ITSN1: variants seen among roughly 807,000 people sequenced by gnomAD.
ITSN1 encodes the protein intersectin-1.
In ITSN1, 58 loss-of-function variants were observed where a neutral mutation model predicts 239.8. That is an observed-to-expected ratio of 0.24 (90% CI 0.20 to 0.30). ITSN1 has a LOEUF of 0.30. ITSN1 is among the 10% of genes least tolerant of loss of function. The pLI, the probability that ITSN1 is intolerant of heterozygous loss-of-function variation, is 1.00. For synonymous variants in ITSN1, 780 were observed against 770.8 expected, an observed-to-expected ratio of 1.01 and a Z score of -0.20; for missense variants, 1,558 against 2,103.3, an observed-to-expected ratio of 0.74 and a Z score of 5.07.
rs774101861 is a variant in ITSN1, at chr21:33,886,279, C to T, written c.4844-8C>T. 1 of 1,611,918 alleles carries T rather than the reference C, an allele frequency of 6.2e-7. No individual in the cohort carries two copies. On this transcript the variant is annotated splice_region_variant and splice_polypyrimidine_tract_variant and intron_variant, in intron 38 of 39. Coordinates refer to ENST00000381318, the MANE Select transcript of ITSN1 (RefSeq NM_003024.3). ...GTTCCACCTGGCGAAGGCTTTTGTT[C>T]CCTCCAGGAAAGAGCAACCCGTACT...
intron 1 of ITSN1, among the ~76,000 whole-genome samples, chr21:33,659,083 A>G (rs2089332834): frequency 6.6e-6 from 1 of 152,170 alleles, no homozygotes; most frequent in Non-Finnish European, 1.5e-5. Context: ...CAGGGAAGAG[A>G]GAGGGACTGG....
At chr21:33,842,495 GGTGT>G (rs34019939) in intron 29 of ITSN1, among the ~76,000 whole-genome samples, 38,404 of 147,988 alleles carry the variant, frequency 0.26, 5,300 homozygotes, top group East Asian at 0.62. Flanking sequence ...TGATGTCAAC[GGTGT>G]GTGTGTGTGT....
chr21:33,763,081 T>C (rs1358467937), intron 9 of ITSN1, among the ~76,000 whole-genome samples: 1 of 152,092 alleles, frequency 6.6e-6, no homozygotes, highest in Admixed American at 6.6e-5. Context: ...AGAATGTTTT[T>C]ATAGTTCATT....
chr21:33,843,632 T>C (rs765961401), intron 29 of ITSN1, among the ~76,000 whole-genome samples: 6 of 152,222 alleles, frequency 3.9e-5, no homozygotes, highest in African/African-American at 9.7e-5. Context: ...TTTTGGAACA[T>C]TCTATTTCCC....
chr21:33,660,243 TC>T, intron 1 of ITSN1, among the ~76,000 whole-genome samples: 1 of 152,296 alleles, frequency 6.6e-6, no homozygotes, highest in East Asian at 1.9e-4. Flanking sequence ...TATGTGCTGC[TC>T]CCACAATAAG....
intron 8 of ITSN1, among the ~76,000 whole-genome samples, chr21:33,757,729 G>C (rs2068023606): frequency 1.3e-5 from 2 of 152,166 alleles, no homozygotes; most frequent in African/African-American, 2.4e-5. Context: ...AGCTGCAGGA[G>C]AAGCAAAATA....
intron 1 of ITSN1, among the ~76,000 whole-genome samples, chr21:33,695,353 T>C (rs936484042): frequency 4.6e-5 from 7 of 152,232 alleles, no homozygotes; most frequent in Non-Finnish European, 7.3e-5. Flanking sequence ...ACAAAAACTT[T>C]ATAAGATCCA....
At position 33,648,788 on chromosome 21, in the gene ITSN1, G is replaced by A. The variant is rs78191616; in HGVS notation, c.-33+6075G>A. 2.3e-3 allele frequency among the ~76,000 whole-genome samples: 349 copies of A among 152,074 alleles called. 3 individuals are homozygous for A. Among genetic ancestry groups the A allele is most frequent in the Non-Finnish European group, 4.5e-3 (308 of 67,952 alleles). On this transcript the variant is annotated intron_variant, in intron 1 of 39. Transcript: ENST00000381318. ...TACCCAGAAGTTGGAGGCTGCAGAT[G>A]CCACAGCACTCCAGACTGGGCAACA...
chr21:33,747,943 A>G (rs2067283261), intron 5 of ITSN1, among the ~76,000 whole-genome samples: 1 of 152,204 alleles, frequency 6.6e-6, no homozygotes, highest in South Asian at 2.1e-4. Context: ...AGACCACATA[A>G]ATCTATTTTT....
intron 1 of ITSN1, among the ~76,000 whole-genome samples, chr21:33,716,996 G>A (rs1312875063): frequency 3.3e-5 from 5 of 151,210 alleles, no homozygotes; most frequent in African/African-American, 1.2e-4. Context: ...AAGGAACCCA[G>A]AGGAATCCAA....
intron 4 of ITSN1, among the ~76,000 whole-genome samples, chr21:33,726,571 A>G (rs1024579575): frequency 6.6e-6 from 1 of 152,106 alleles, no homozygotes; most frequent in Admixed American, 6.5e-5. Context: ...TGGCATGATC[A>G]TAGCTCACTG....
At position 33,889,930 on chromosome 21, in the gene ITSN1, T is replaced by C. The variant is rs1285452022; in HGVS notation, c.*1630T>C. The stretch of plus-strand genomic sequence containing the variant: ...ACATTTCATACTTTTAAGAAATACT[T>C]TATTATTTATTTATTGAAGATAGTG... On this transcript the variant is annotated 3_prime_UTR_variant, in exon 40 of 40. Coordinates refer to ENST00000381318, the MANE Select transcript of ITSN1 (RefSeq NM_003024.3). 6.6e-6 allele frequency: 1 copy of C among 152,210 alleles called. No homozygotes were observed. Among genetic ancestry groups the C allele is most frequent in the Non-Finnish European group, 1.5e-5 (1 of 68,046 alleles). The allele number at this position is 152,210 out of a possible 1,614,324, so 9.4% of individuals were successfully genotyped here.
At chr21:33,869,484 G>A (rs1982339158) in intron 33 of ITSN1, among the ~76,000 whole-genome samples, 1 of 152,258 alleles carries the variant, frequency 6.6e-6, no homozygotes, top group Non-Finnish European at 1.5e-5. Context: ...TACAATTCAA[G>A]ATGAGATTTG....
intron 29 of ITSN1, among the ~76,000 whole-genome samples, chr21:33,841,054 G>C (rs1212443146): frequency 6.6e-6 from 1 of 152,160 alleles, no homozygotes; most frequent in African/African-American, 2.4e-5. Flanking sequence ...GCCTCAGACT[G>C]CCTCTGCATA....
intron 1 of ITSN1, among the ~76,000 whole-genome samples, chr21:33,711,470 A>G (rs1257292547): frequency 6.6e-6 from 1 of 152,066 alleles, no homozygotes; most frequent in Non-Finnish European, 1.5e-5. Context: ...TTAGATTACT[A>G]ACATTTAATG....
intron 8 of ITSN1, among the ~76,000 whole-genome samples, chr21:33,760,300 G>T (rs1278477643): frequency 6.6e-6 from 1 of 152,116 alleles, no homozygotes; most frequent in African/African-American, 2.4e-5. Flanking sequence ...GGTGGTAGCT[G>T]AGTCTAAAAG....
At chr21:33,863,391 C>T (rs1980997437) in intron 31 of ITSN1, among the ~76,000 whole-genome samples, 1 of 152,234 alleles carries the variant, frequency 6.6e-6, no homozygotes, top group Non-Finnish European at 1.5e-5. Flanking sequence ...CACGGTGGCT[C>T]ATGCCTATAA....
At chr21:33,671,608 G>C (rs2090285755) in intron 1 of ITSN1, among the ~76,000 whole-genome samples, 1 of 151,800 alleles carries the variant, frequency 6.6e-6, no homozygotes, top group African/African-American at 2.4e-5. Context: ...TTACAATACA[G>C]CCTGACCAAC....
Position 33,810,886 on chromosome 21 carries a change from G to A in ITSN1, c.2320-89G>A, listed in dbSNP as rs1359843274. 8 of 1,424,766 alleles carry A rather than the reference G, an allele frequency of 5.6e-6. No homozygotes were observed. The East Asian group carries it at 1.8e-4, about 32-fold the overall frequency. 88.3% of individuals were successfully genotyped at this position (1,424,766 alleles called of 1,614,324 possible). On this transcript the variant is annotated intron_variant, in intron 20 of 39. Coordinates refer to ENST00000381318, the MANE Select transcript of ITSN1 (RefSeq NM_003024.3). ...CTATGCCATATGTCAATCTAAAGAG[G>A]GCAGAGGCTTGGGACTTCACTGTAG...
Sources: gnomAD v4.1 joint callset for allele counts (sites outside exome capture counted in the v4.1 genomes callset) on GRCh38, gnomAD v4.1.1 for gene constraint, MANE v1.5 for transcripts, NCBI Gene and HGNC (gene_info 2026-07-23, HGNC 2026-07-21) for gene names.